The following INHBC variants were observed in gnomAD, a reference collection of about 807,000 sequenced individuals.
The protein encoded by INHBC is inhibin subunit beta C.
A neutral mutation model predicts 12.4 loss-of-function variants in INHBC; 10 were observed. The ratio of observed to expected loss-of-function variants is 0.81; its 90% CI spans 0.50 to 1.37. INHBC has a LOEUF of 1.37. INHBC is among the 40% of genes most tolerant of loss of function. The pLI is 0.00. For missense variants in INHBC, 382 were observed against 439.4 expected, an observed-to-expected ratio of 0.87 and a Z score of 1.17; for synonymous variants, 147 against 171.6, an observed-to-expected ratio of 0.86 and a Z score of 1.12.
chr12:57,446,777 A>G (rs1447236257), intron 1 of INHBC, among the ~76,000 whole-genome samples: 1 of 152,058 alleles, frequency 6.6e-6, no homozygotes. Flanking sequence ...TTCTGGGACA[A>G]GTGTGAGCCA....
chr12:57,435,222 T>C (rs1273174926), intron 1 of INHBC, 23 bp downstream of exon 1: 3 of 1,586,836 alleles, frequency 1.9e-6, no homozygotes, highest in Non-Finnish European at 2.6e-6. Flanking sequence ...TCTGTAGCTC[T>C]TCCCCAGAAC....
In INHBC at chr12:57,451,770, T is replaced by A. The variant is rs537583287; in HGVS notation, c.*1748T>A. 6.7e-6 allele frequency: 3 copies of A among 445,062 alleles called. No homozygotes were observed. Among genetic ancestry groups the A allele is most frequent in the South Asian group, 4.8e-5 (3 of 62,990 alleles). 27.6% of individuals were successfully genotyped at this position (445,062 alleles called of 1,614,324 possible). A position where few individuals can be genotyped will look rare whatever the true frequency, so the allele number is the denominator to read the frequency against. On this transcript the variant is annotated 3_prime_UTR_variant, in exon 2 of 2. Transcript: ENST00000309668. Reference sequence around the variant, plus strand: ...CCATGGAAGTTATCCCACCTTTGACTTGAGGAGACCTTCATCTAAGGAGAA... The same window carrying A: ...CCATGGAAGTTATCCCACCTTTGACATGAGGAGACCTTCATCTAAGGAGAA...
intron 1 of INHBC, among the ~76,000 whole-genome samples, chr12:57,447,695 A>T (rs1391012976): frequency 6.8e-6 from 1 of 147,634 alleles, no homozygotes; most frequent in African/African-American, 2.5e-5. Context: ...GACCAGCCTG[A>T]CCAACATGGA....
At position 57,449,711 on chromosome 12, in the gene INHBC, C is replaced by G; in HGVS notation, c.748C>G (p.Gln250Glu). 1.2e-6 allele frequency: 2 copies of G among 1,614,262 alleles called. No individual in the cohort carries two copies. Among genetic ancestry groups the G allele is most frequent in the Non-Finnish European group, 1.7e-6 (2 of 1,180,046 alleles). The change falls in exon 2 of 2, where the codon CAA (glutamine) becomes GAA (glutamate). Residue 250 changes from glutamine (Q) to glutamate (E), a missense_variant. Coordinates refer to ENST00000309668, the MANE Select transcript of INHBC (RefSeq NM_005538.4). ...AGGAGGGTCCAGGATGTGCTGTCGA[C>G]AAGAGTTTTTTGTGGACTTCCGTGA... is the stretch of plus-strand genomic sequence containing the variant. ...CQGGSRMCCR[Q>E]EFFVDFREIG...
rs2139836825 is a variant in INHBC, at chr12:57,450,214, TC to T, written c.*194del. 1.9e-6 allele frequency: 1 copy of T among 522,638 alleles called. No homozygotes were observed. The highest frequency in any genetic ancestry group is 1.9e-5 in the African/African-American group (1 of 51,614). The allele number at this position is 522,638 out of a possible 1,614,324, so 32.4% of individuals were successfully genotyped here. A position where few individuals can be genotyped will look rare whatever the true frequency, so the allele number is the denominator to read the frequency against. ...TCTAAAGCAAGTCACTGTGCCATCT[TC>T]CTGACCACTACCCTCTTTCCTAGGG... On this transcript the variant is annotated 3_prime_UTR_variant, in exon 2 of 2. Transcript: ENST00000309668.
chr12:57,446,523 T>A (rs1336616525), intron 1 of INHBC, among the ~76,000 whole-genome samples: 1 of 151,590 alleles, frequency 6.6e-6, no homozygotes, highest in Admixed American at 6.6e-5. Context: ...AGACAGGGTC[T>A]CATTTTGTTG....
At chr12:57,447,862 CAAAAAAAAAAAAAA>C (rs869208182) in intron 1 of INHBC, among the ~76,000 whole-genome samples, 1 of 5,240 alleles carries the variant, frequency 1.9e-4, no homozygotes, top group South Asian at 0.018. Flanking sequence ...AACTCCGTCT[CAAAAAAAAAAAAAA>C]AAAAAAAAAA....
intron 1 of INHBC, among the ~76,000 whole-genome samples, chr12:57,447,660 G>A (rs1183284144): frequency 1.3e-5 from 2 of 149,270 alleles, no homozygotes; most frequent in Non-Finnish European, 3.0e-5. Context: ...TAAGCAGGGC[G>A]AATCACTTGA....
At chr12:57,448,508 G>A (rs1372976015) in intron 1 of INHBC, among the ~76,000 whole-genome samples, 1 of 150,392 alleles carries the variant, frequency 6.6e-6, no homozygotes, top group East Asian at 2.0e-4. Context: ...GGCAGAGGTT[G>A]CAGTGAGCCA....
chr12:57,437,778 G>GTGTTTGTTTGTTTGTTTGTT (rs61037641), intron 1 of INHBC, among the ~76,000 whole-genome samples: 15 of 150,126 alleles, frequency 1.0e-4, no homozygotes, highest in Admixed American at 4.0e-4. Flanking sequence ...CCTCGTTTTT[G>GTGTTTGTTTGTTTGTTTGTT]TGTTTGTTTG....
Position 57,449,220 on chromosome 12 carries a change from A to G in INHBC, c.314-57A>G, listed in dbSNP as rs559250805. 162 of 1,554,262 alleles carry G rather than the reference A, an allele frequency of 1.0e-4. 1 individual carries two copies. The South Asian group carries it at 1.9e-3, about 19-fold the overall frequency. ...TCAAGAATGCTGAGTACAGAGAAAT[A>G]GTTGGTAGAACTGACAGTCAGAAGG... On this transcript the variant is annotated intron_variant, in intron 1 of 1. Transcript: ENST00000309668.
At chr12:57,445,503 ACAAT>A (rs1237686517) in intron 1 of INHBC, among the ~76,000 whole-genome samples, 2 of 152,350 alleles carry the variant, frequency 1.3e-5, no homozygotes, top group Non-Finnish European at 2.9e-5. Flanking sequence ...GAGGATAAAC[ACAAT>A]CAAGATTTTG....
chr12:57,449,970 T>C lies in INHBC; in HGVS notation c.1007T>C (p.Ile336Thr). The C allele has an allele frequency of 6.5e-7, 1 of 1,543,860 alleles. No individual in the cohort carries two copies. The highest frequency in any genetic ancestry group is 8.7e-7 in the Non-Finnish European group (1 of 1,143,292). Residue 336 changes from isoleucine to threonine, a missense_variant, in exon 2 of 2, where the codon ATT becomes ACT. Transcript: ENST00000309668. ...SLLYYDRDSN[I>T]VKTDIPDMVV... ...CTCTATTATGACAGGGACAGCAACA[T>C]TGTCAAGACTGACATACCTGACATG...
At position 57,450,128 on chromosome 12, in the gene INHBC, G is replaced by T; in HGVS notation, c.*106G>T. 1 of 1,235,174 alleles carries T rather than the reference G, an allele frequency of 8.1e-7. No individual in the cohort carries two copies. The highest frequency in any genetic ancestry group is 1.1e-6 in the Non-Finnish European group (1 of 927,428). 76.5% of individuals were successfully genotyped at this position (1,235,174 alleles called of 1,614,324 possible). ...GACCTCATTCTCTGTCCAGAATGTG[G>T]ACTCCCTCTTCCTGAGCATCTTATG... On this transcript the variant is annotated 3_prime_UTR_variant, in exon 2 of 2. Transcript: ENST00000309668.
chr12:57,434,968 G>A lies in INHBC; in HGVS notation c.82G>A (p.Ala28Thr), dbSNP rs200848237. The A allele has an allele frequency of 2.5e-6, 4 of 1,614,228 alleles. No individual in the cohort carries two copies. In the Admixed American group the frequency reaches 6.7e-5, roughly 27 times the overall value. ...TCCCAGAGCTGGCGGTCAGTGTCCA[G>A]CATGTGGGGGGCCCACCTTGGAACT... is the stretch of plus-strand genomic sequence containing the variant. The part of the protein sequence containing the change: ...ATPRAGGQCP[A>T]CGGPTLELES... Residue 28 changes from alanine (A) to threonine (T), a missense_variant, in exon 1 of 2, where the codon GCA (alanine) becomes ACA (threonine). Transcript: ENST00000309668.
rs751900631 is a variant in INHBC at position 57,449,634 on chromosome 12, G to A, written c.671G>A (p.Arg224Gln). 30 of 1,614,114 alleles carry A rather than the reference G, an allele frequency of 1.9e-5. No homozygotes were observed. The highest frequency in any genetic ancestry group is 1.8e-4 in the East Asian group (8 of 44,896). Residue 224 changes from arginine to glutamine, a missense_variant, in exon 2 of 2, where the codon CGG (arginine) becomes CAG (glutamine). Arg to Gln is a conservative substitution (Grantham distance 43, BLOSUM62 1). Transcript: ENST00000309668. ...GCCCATAGGCCTTTTGTGGCAGCCC[G>A]GGTGAGAGTTGGGGGCAAACACCAG... ...GAAHRPFVAARVRVGGKHQIH... is the reference protein window; with the variant it reads ...GAAHRPFVAAQVRVGGKHQIH...
At chr12:57,437,044 G>T (rs1252363045) in intron 1 of INHBC, among the ~76,000 whole-genome samples, 1 of 152,048 alleles carries the variant, frequency 6.6e-6, no homozygotes. Flanking sequence ...CAATCCACTC[G>T]CCTCGGCCTT....
intron 1 of INHBC, among the ~76,000 whole-genome samples, chr12:57,445,736 ATTTTTT>A (rs35509259): frequency 3.9e-5 from 4 of 101,362 alleles, no homozygotes; most frequent in South Asian, 4.6e-4. Context: ...CTCCATGTAA[ATTTTTT>A]TTTTTTTTTT....
intron 1 of INHBC, among the ~76,000 whole-genome samples, chr12:57,435,870 G>A (rs1304748031): frequency 2.0e-5 from 3 of 150,786 alleles, no homozygotes; most frequent in African/African-American, 7.3e-5. Context: ...TTCCTGAGAC[G>A]GAGTCTTGCT....
Sources: gnomAD v4.1 joint callset for allele counts (sites outside exome capture counted in the v4.1 genomes callset) on GRCh38, gnomAD v4.1.1 for gene constraint, MANE v1.5 for transcripts, NCBI Gene and HGNC (gene_info 2026-07-23, HGNC 2026-07-21) for gene names.